AHI1: variants seen among roughly 807,000 people sequenced by gnomAD.
AHI1 encodes Abelson helper integration site 1.
A neutral mutation model predicts 149.3 loss-of-function variants in AHI1; 123 were observed. The observed-to-expected ratio is 0.82, with a 90% CI of 0.71 to 0.96. The LOEUF is 0.96. Among genes scored for constraint, AHI1 ranks in the 40% least tolerant of loss-of-function variants. The pLI, the probability that AHI1 is intolerant of heterozygous loss-of-function variation, is 0.00. For missense variants in AHI1, 1,439 were observed against 1,422.7 expected (o/e 1.01, Z -0.18); for synonymous variants, 475 against 459.8 (o/e 1.03, Z -0.42).
At chr6:135,476,954 T>G (rs969170608) in intron 5 of AHI1, among the ~76,000 whole-genome samples, 28 of 152,322 alleles carry the variant, frequency 1.8e-4, no homozygotes, top group African/African-American at 6.7e-4. Flanking sequence ...ACATTTAAAT[T>G]ATTCTTGATA....
intron 26 of AHI1, chr6:135,302,624 G>C (rs891990214): frequency 1.9e-5 from 22 of 1,143,864 alleles, no homozygotes; most frequent in Admixed American, 4.5e-5. Flanking sequence ...AGTTAGAAGG[G>C]GGTCCACATT....
intron 23 of AHI1, among the ~76,000 whole-genome samples, chr6:135,382,259 C>T (rs1776870201): frequency 6.6e-6 from 1 of 152,222 alleles, no homozygotes. Context: ...TGCTCTCACA[C>T]TGGTAGGCAA....
chr6:135,341,053 A>G (rs1790293350), intron 24 of AHI1, among the ~76,000 whole-genome samples: 1 of 152,042 alleles, frequency 6.6e-6, no homozygotes, highest in East Asian at 1.9e-4. Context: ...AAAAACAACA[A>G]CGATAATATA....
At chr6:135,427,524 C>T (rs535818898) in intron 19 of AHI1, among the ~76,000 whole-genome samples, 1 of 151,480 alleles carries the variant, frequency 6.6e-6, no homozygotes, top group East Asian at 1.9e-4. Context: ...TACTTTCTAC[C>T]TCTTCAATGA....
chr6:135,454,236 T>C (rs552689602), intron 10 of AHI1, among the ~76,000 whole-genome samples: 1 of 152,200 alleles, frequency 6.6e-6, no homozygotes, highest in East Asian at 1.9e-4. Flanking sequence ...AGGCCAAATC[T>C]TTTTCTGTGC....
Position 135,405,027 on chromosome 6 carries a change from T to C in AHI1, c.2962-50A>G, listed in dbSNP as rs763040977. The C allele has an allele frequency of 6.7e-6, 10 of 1,483,166 alleles. No individual in the cohort carries two copies. The Admixed American group carries it at 1.7e-4, about 25-fold the overall frequency. 91.9% of individuals were successfully genotyped at this position (1,483,166 alleles called of 1,614,324 possible). A position where few individuals can be genotyped will look rare whatever the true frequency, so the allele number is the denominator to read the frequency against. On this transcript the variant is annotated intron_variant, in intron 21 of 28. Transcript: ENST00000265602. ...GAAGTATTCATAATTTCATTAAATA[T>C]TGACTGTTTGCAAAACACTCAGATG...
At chr6:135,310,514 G>T (rs1307681527) in intron 26 of AHI1, among the ~76,000 whole-genome samples, 1 of 152,186 alleles carries the variant, frequency 6.6e-6, no homozygotes, top group Non-Finnish European at 1.5e-5. Flanking sequence ...AATAACCAGA[G>T]TGTACACTTT....
intron 23 of AHI1, among the ~76,000 whole-genome samples, chr6:135,376,194 A>G (rs1775889031): frequency 6.6e-6 from 1 of 152,166 alleles, no homozygotes; most frequent in Non-Finnish European, 1.5e-5. Context: ...TCCTCAGCCC[A>G]CTACAATAAT....
At chr6:135,492,864 T>C (rs1025013439) in intron 3 of AHI1, 3 of 985,206 alleles carry the variant, frequency 3.0e-6, no homozygotes, top group African/African-American at 3.5e-5. Context: ...ACTCAGTATG[T>C]ATATTACTAA....
chr6:135,355,389 T>C (rs2128431669), intron 24 of AHI1, among the ~76,000 whole-genome samples: 1 of 150,732 alleles, frequency 6.6e-6, no homozygotes, highest in East Asian at 1.9e-4. Flanking sequence ...TCAAAGTTCA[T>C]GTAGTAAATG....
At chr6:135,330,282 C>A (rs75851982) in intron 24 of AHI1, among the ~76,000 whole-genome samples, 4,263 of 152,236 alleles carry the variant, frequency 0.028, 72 homozygotes, top group Non-Finnish European at 0.044. Context: ...TCATTTTTGT[C>A]TTATTTTAAG....
Position 135,496,974 on chromosome 6 carries a change from G to A in AHI1, c.-140+214C>T, listed in dbSNP as rs190408666. Among the ~76,000 whole-genome samples, 434 of 152,342 alleles carry A rather than the reference G, an allele frequency of 2.8e-3. 1 individual carries two copies. The highest frequency in any genetic ancestry group is 4.5e-3 in the Admixed American group (69 of 15,306). On this transcript the variant is annotated intron_variant, in intron 2 of 28. Coordinates refer to ENST00000265602, the MANE Select transcript of AHI1 (RefSeq NM_001134831.2). ...TAACGCCCAAGCAGTAACAGCAACT[G>A]TTAATGCAACAGGTGAAAAAATCGT...
chr6:135,291,388 G>A (rs1782335024), intron 27 of AHI1, among the ~76,000 whole-genome samples: 3 of 152,148 alleles, frequency 2.0e-5, no homozygotes, highest in Non-Finnish European at 4.4e-5. Context: ...AGGTTAAATG[G>A]GGTCAGAAGA....
chr6:135,425,345 G>A (rs1011829982), intron 20 of AHI1, among the ~76,000 whole-genome samples: 8 of 151,736 alleles, frequency 5.3e-5, no homozygotes, highest in African/African-American at 1.9e-4. Flanking sequence ...AAATTGACCT[G>A]GAAAGAAACA....
chr6:135,311,743 C>T (rs1785238923), intron 26 of AHI1, among the ~76,000 whole-genome samples: 1 of 152,198 alleles, frequency 6.6e-6, no homozygotes, highest in African/African-American at 2.4e-5. Context: ...TTCTCTCCTT[C>T]CTGATAATAC....
At chr6:135,487,687 C>T (rs919315407) in intron 5 of AHI1, among the ~76,000 whole-genome samples, 6 of 152,120 alleles carry the variant, frequency 3.9e-5, no homozygotes, top group African/African-American at 1.4e-4. Context: ...CATAAATCTT[C>T]TCTTCTGGCT....
At chr6:135,401,345 A>G (rs1780000967) in intron 22 of AHI1, among the ~76,000 whole-genome samples, 1 of 152,194 alleles carries the variant, frequency 6.6e-6, no homozygotes, top group Non-Finnish European at 1.5e-5. Flanking sequence ...CTTGTTCACT[A>G]TTACATTCCA....
intron 24 of AHI1, among the ~76,000 whole-genome samples, chr6:135,331,333 CT>C (rs1788561925): frequency 6.6e-6 from 1 of 152,134 alleles, no homozygotes; most frequent in Non-Finnish European, 1.5e-5. Flanking sequence ...TAGAGTTCTT[CT>C]TTTTCTCAAA....
chr6:135,364,431 C>G (rs1326486131), intron 23 of AHI1, among the ~76,000 whole-genome samples: 1 of 150,984 alleles, frequency 6.6e-6, no homozygotes, highest in South Asian at 2.1e-4. Flanking sequence ...CAGAGGGGCT[C>G]CTCACATCCC....
Sources: gnomAD v4.1 joint callset for allele counts (sites outside exome capture counted in the v4.1 genomes callset) on GRCh38, gnomAD v4.1.1 for gene constraint, MANE v1.5 for transcripts, NCBI Gene and HGNC (gene_info 2026-07-23, HGNC 2026-07-21) for gene names.